AUTS2: variants seen among roughly 807,000 people sequenced by gnomAD.
AUTS2 encodes autism susceptibility gene 2 protein.
In AUTS2, 17 loss-of-function variants were observed where a neutral mutation model predicts 112.4. The ratio of observed to expected loss-of-function variants is 0.15; its 90% confidence interval spans 0.10 to 0.23. The LOEUF is 0.23. Ranked by LOEUF, AUTS2 falls within the 10% of genes least tolerant of loss-of-function variation. The pLI is 1.00. For synonymous variants in AUTS2, 751 were observed against 702.7 expected (o/e 1.07, Z -1.09); for missense variants, 1,510 against 1,701.6 (o/e 0.89, Z 1.98).
intron 1 of AUTS2, among the ~76,000 whole-genome samples, chr7:69,760,094 G>T (rs1352242289): frequency 6.7e-6 from 1 of 148,858 alleles, no homozygotes; most frequent in Non-Finnish European, 1.5e-5. Flanking sequence ...CAAAGATCTG[G>T]CAAAAAAAAC....
intron 5 of AUTS2, among the ~76,000 whole-genome samples, chr7:70,543,422 G>T (rs138899227): frequency 2.6e-5 from 4 of 152,030 alleles, no homozygotes; most frequent in African/African-American, 7.2e-5. Context: ...CCAGCTACTC[G>T]GGAGGCTGAG....
chr7:70,486,874 C>T (rs901497551), intron 5 of AUTS2, among the ~76,000 whole-genome samples: 2 of 142,080 alleles, frequency 1.4e-5, no homozygotes, highest in Admixed American at 7.2e-5. Context: ...CTTTTGGTTT[C>T]GTTTGTTTTG....
At chr7:70,082,607 G>A (rs910409966) in intron 2 of AUTS2, among the ~76,000 whole-genome samples, 1 of 152,204 alleles carries the variant, frequency 6.6e-6, no homozygotes, top group African/African-American at 2.4e-5. Flanking sequence ...CTTTGAATGA[G>A]AAACCTGGCC....
intron 1 of AUTS2, among the ~76,000 whole-genome samples, chr7:69,869,721 G>A (rs546242182): frequency 1.3e-5 from 2 of 152,236 alleles, no homozygotes; most frequent in Non-Finnish European, 2.9e-5. Context: ...AAGAGGCAAA[G>A]TCAATGACTG....
intron 4 of AUTS2, among the ~76,000 whole-genome samples, chr7:70,356,464 A>T (rs1298952916): frequency 6.6e-6 from 1 of 152,218 alleles, no homozygotes; most frequent in East Asian, 1.9e-4. Context: ...TAATCATTTG[A>T]GGAGAAGGAT....
chr7:69,599,556 C>T lies in AUTS2; in HGVS notation c.-98C>T. On this transcript the variant is annotated 5_prime_UTR_variant, in exon 1 of 19. Transcript: ENST00000342771. This position sits in a 1 kb window ranked among gnomAD's most constrained non-coding sequence, Gnocchi z 7.0. ...CGCCCTCCTCGGGGCGGAGGGAAGC[C>T]GTGAAGGGGGAGGGAGGGCTCGGTG... 1 of 1,132,570 alleles carries T rather than the reference C, an allele frequency of 8.8e-7. No individual in the cohort carries two copies. The highest frequency in any genetic ancestry group is 1.1e-6 in the Non-Finnish European group (1 of 901,964). 70.2% of individuals were successfully genotyped at this position (1,132,570 alleles called of 1,614,324 possible). A position where few individuals can be genotyped will look rare whatever the true frequency, so the allele number is the denominator to read the frequency against.
intron 5 of AUTS2, among the ~76,000 whole-genome samples, chr7:70,492,158 A>AG: frequency 6.6e-6 from 1 of 152,220 alleles, no homozygotes; most frequent in South Asian, 2.1e-4. Flanking sequence ...GTATAGGCAC[A>AG]GGGGGCATTG....
chr7:70,324,384 T>G (rs1488843630), intron 4 of AUTS2, among the ~76,000 whole-genome samples: 1 of 152,082 alleles, frequency 6.6e-6, no homozygotes, highest in Non-Finnish European at 1.5e-5. Flanking sequence ...GAAAAAAAAT[T>G]GCCAAGGCAG....
intron 5 of AUTS2, among the ~76,000 whole-genome samples, chr7:70,468,155 G>A (rs538433626): frequency 1.3e-5 from 2 of 152,300 alleles, no homozygotes; most frequent in South Asian, 2.1e-4. Context: ...AAGTGAGGGC[G>A]ATTTGAGGGA....
chr7:70,177,602 A>G (rs1198223323), intron 4 of AUTS2, among the ~76,000 whole-genome samples: 2 of 152,212 alleles, frequency 1.3e-5, no homozygotes, highest in African/African-American at 4.8e-5. Flanking sequence ...CTTATAACCA[A>G]TATTTTACAG....
chr7:70,496,229 G>A (rs1380675906), intron 5 of AUTS2, among the ~76,000 whole-genome samples: 4 of 60,584 alleles, frequency 6.6e-5, no homozygotes, highest in African/African-American at 7.1e-5. Flanking sequence ...CACACACCAC[G>A]TACACAGTCA....
At chr7:70,724,647 G>A (rs10239618) in intron 6 of AUTS2, among the ~76,000 whole-genome samples, 34,815 of 151,552 alleles carry the variant, frequency 0.23, 4,835 homozygotes, top group East Asian at 0.58. Flanking sequence ...GGGTTTTACC[G>A]TGTTAGTCAG....
intron 2 of AUTS2, among the ~76,000 whole-genome samples, chr7:69,908,600 A>C (rs1458707328): frequency 6.6e-6 from 1 of 152,172 alleles, no homozygotes; most frequent in African/African-American, 2.4e-5. Flanking sequence ...TTATACCTGC[A>C]TTCATTGATC....
At chr7:69,838,078 T>C (rs958097514) in intron 1 of AUTS2, among the ~76,000 whole-genome samples, 2 of 152,178 alleles carry the variant, frequency 1.3e-5, no homozygotes, top group African/African-American at 4.8e-5. Flanking sequence ...GGATTGTAGA[T>C]TGGTATGGAT....
At chr7:70,069,090 A>T (rs1412872537) in intron 2 of AUTS2, among the ~76,000 whole-genome samples, 1 of 152,200 alleles carries the variant, frequency 6.6e-6, no homozygotes, top group Non-Finnish European at 1.5e-5. Context: ...CTCATGGCCT[A>T]CCAGGGCTTC....
chr7:70,619,715 A>G (rs916884126), intron 5 of AUTS2, among the ~76,000 whole-genome samples: 1 of 151,926 alleles, frequency 6.6e-6, no homozygotes, highest in Non-Finnish European at 1.5e-5. Context: ...GGTAAGGGAG[A>G]ATTGCCTGTT....
chr7:70,356,784 C>G (rs545334893), intron 4 of AUTS2, among the ~76,000 whole-genome samples: 1 of 151,128 alleles, frequency 6.6e-6, no homozygotes, highest in South Asian at 2.1e-4. Flanking sequence ...CTGGAAAATG[C>G]ATCAGTGGAG....
At chr7:70,157,601 C>T (rs1807850411) in intron 4 of AUTS2, among the ~76,000 whole-genome samples, 1 of 152,164 alleles carries the variant, frequency 6.6e-6, no homozygotes, top group Non-Finnish European at 1.5e-5. Context: ...AGGCATGAGC[C>T]ACCACACCTG....
intron 2 of AUTS2, among the ~76,000 whole-genome samples, chr7:69,959,865 C>T (rs1405838303): frequency 2.0e-5 from 3 of 152,096 alleles, no homozygotes; most frequent in African/African-American, 7.2e-5. Context: ...AGAAGGCACT[C>T]CATAAATAAT....
Sources: gnomAD v4.1 joint callset for allele counts (sites outside exome capture counted in the v4.1 genomes callset) on GRCh38, gnomAD v4.1.1 for gene constraint, Gnocchi (gnomAD v3.1) non-coding constraint, MANE v1.5 for transcripts, NCBI Gene and HGNC (gene_info 2026-07-23, HGNC 2026-07-21) for gene names.